KHDC1: variants seen among roughly 807,000 people sequenced by gnomAD.
KHDC1 encodes KH domain containing 1.
A neutral mutation model predicts 24.7 loss-of-function variants in KHDC1; 21 were observed. The observed-to-expected ratio is 0.85, with a 90% CI of 0.60 to 1.23. The LOEUF is 1.23. Ranked by LOEUF, KHDC1 falls within the 50% of genes most tolerant of loss-of-function variation. The pLI is 0.00. For missense variants in KHDC1, 274 were observed against 298.5 expected (o/e 0.92, Z 0.61); for synonymous variants, 98 against 111.7 (o/e 0.88, Z 0.77).
chr6:73,262,040 C>T (rs1431943186), intron 2 of KHDC1, among the ~76,000 whole-genome samples: 1 of 151,686 alleles, frequency 6.6e-6, no homozygotes, highest in African/African-American at 2.4e-5. Context: ...GATGGTGCCA[C>T]AGCCCTCCAG....
rs1017207989 is a variant in KHDC1 at position 73,286,472 on chromosome 6, C to T, written c.206+5526G>A. 2.4e-4 allele frequency among the ~76,000 whole-genome samples: 37 copies of T among 152,168 alleles called. 1 individual carries two copies. Among genetic ancestry groups the T allele is most frequent in the Admixed American group, 4.6e-4 (7 of 15,272 alleles). ...GATAATGGATGGTATCACTAACAAA[C>T]CAACTTTTCATTGATCAACTAAGCA... On this transcript the variant is annotated intron_variant, in intron 2 of 4. Transcript: ENST00000370384.
chr6:73,243,816 C>T (rs1314291718), intron 2 of KHDC1, among the ~76,000 whole-genome samples: 3 of 152,188 alleles, frequency 2.0e-5, no homozygotes, highest in African/African-American at 7.2e-5. Context: ...CCTTGGCTGG[C>T]GAAGAAGAAA....
chr6:73,304,178 CA>C (rs914350705), intron 1 of KHDC1, among the ~76,000 whole-genome samples: 7 of 140,792 alleles, frequency 5.0e-5, no homozygotes, highest in Admixed American at 7.2e-5. Flanking sequence ...GACTCCATCT[CA>C]AAAAAAAAAG....
chr6:73,298,531 G>A (rs12203691), intron 1 of KHDC1, among the ~76,000 whole-genome samples: 17,668 of 135,508 alleles, frequency 0.13, 1,690 homozygotes, highest in African/African-American at 0.24. Flanking sequence ...CGCCTCCCGG[G>A]TTCAAGCAAT....
At chr6:73,292,323 A>G in intron 1 of KHDC1, 3 of 970,740 alleles carry the variant, frequency 3.1e-6, no homozygotes, top group Non-Finnish European at 5.1e-6. Context: ...GCGGACAAGC[A>G]TGGTTTTAGG....
chr6:73,301,926 G>C (rs1048085228), intron 1 of KHDC1, among the ~76,000 whole-genome samples: 1 of 152,076 alleles, frequency 6.6e-6, no homozygotes, highest in Non-Finnish European at 1.5e-5. Flanking sequence ...ACTGCACCCT[G>C]TCTGCTGCCA....
chr6:73,246,802 A>G (rs1210276953), intron 2 of KHDC1, among the ~76,000 whole-genome samples: 1 of 152,160 alleles, frequency 6.6e-6, no homozygotes, highest in Non-Finnish European at 1.5e-5. Flanking sequence ...TGAGTCACTC[A>G]AAATTTGCAG....
chr6:73,270,731 C>T (rs1767163143), intron 2 of KHDC1, among the ~76,000 whole-genome samples: 1 of 151,558 alleles, frequency 6.6e-6, no homozygotes, highest in Admixed American at 6.6e-5. Context: ...GCTCTTGTCG[C>T]CCAGGCTAGA....
At chr6:73,249,956 A>G (rs753448036) in intron 2 of KHDC1, among the ~76,000 whole-genome samples, 4 of 152,188 alleles carry the variant, frequency 2.6e-5, no homozygotes, top group Non-Finnish European at 5.9e-5. Flanking sequence ...GTTAACAAAT[A>G]TGCACTCAAA....
chr6:73,252,807 ACT>A (rs960093555), intron 2 of KHDC1, among the ~76,000 whole-genome samples: 1 of 150,144 alleles, frequency 6.7e-6, no homozygotes, highest in Non-Finnish European at 1.5e-5. Flanking sequence ...ACAGAGTGAG[ACT>A]CTACCTCAAA....
intron 2 of KHDC1, among the ~76,000 whole-genome samples, chr6:73,260,381 G>A (rs1766957767): frequency 6.6e-6 from 1 of 152,070 alleles, no homozygotes; most frequent in South Asian, 2.1e-4. Context: ...CCAGAATAAT[G>A]CCTTATACCT....
chr6:73,262,534 C>T (rs757016746), intron 2 of KHDC1, among the ~76,000 whole-genome samples: 4 of 152,136 alleles, frequency 2.6e-5, no homozygotes, highest in Non-Finnish European at 2.9e-5. Context: ...GGTGTTACAC[C>T]CATTTTGTTT....
chr6:73,259,012 G>T (rs1766929917), intron 2 of KHDC1, among the ~76,000 whole-genome samples: 1 of 152,226 alleles, frequency 6.6e-6, no homozygotes, highest in South Asian at 2.1e-4. Context: ...TGCAAGGGCA[G>T]GGCTTGCAGG....
chr6:73,297,963 C>A (rs991417764), intron 1 of KHDC1, among the ~76,000 whole-genome samples: 3 of 151,930 alleles, frequency 2.0e-5, no homozygotes, highest in African/African-American at 7.3e-5. Flanking sequence ...TTGGCAAAAC[C>A]GCAGATCACA....
At chr6:73,251,070 G>A (rs1766770540) in intron 2 of KHDC1, among the ~76,000 whole-genome samples, 1 of 152,052 alleles carries the variant, frequency 6.6e-6, no homozygotes, top group Non-Finnish European at 1.5e-5. Context: ...CAAGCGATCT[G>A]CCCGCCTCGG....
intron 2 of KHDC1, among the ~76,000 whole-genome samples, chr6:73,243,686 T>C (rs966773281): frequency 2.0e-5 from 3 of 152,242 alleles, no homozygotes; most frequent in Non-Finnish European, 4.4e-5. Flanking sequence ...GCCCCAACTC[T>C]ATCTGAATCT....
chr6:73,298,550 C>T (rs1348940566), intron 1 of KHDC1, among the ~76,000 whole-genome samples: 2 of 149,238 alleles, frequency 1.3e-5, no homozygotes, highest in Non-Finnish European at 3.0e-5. Context: ...ATTCTCCTGC[C>T]TCAGCCTCCC....
intron 2 of KHDC1, among the ~76,000 whole-genome samples, chr6:73,278,290 T>G (rs1767339822): frequency 1.3e-5 from 2 of 152,114 alleles, no homozygotes; most frequent in South Asian, 4.1e-4. Context: ...ATGCTGGGAT[T>G]ACAGGCGTGA....
chr6:73,293,919 T>C (rs921909866), intron 1 of KHDC1, among the ~76,000 whole-genome samples: 9 of 148,514 alleles, frequency 6.1e-5, no homozygotes, highest in African/African-American at 2.2e-4. Flanking sequence ...GGCAGGAGAA[T>C]CGCATGAACC....
Sources: allele counts gnomAD v4.1 joint callset (sites outside exome capture counted in the v4.1 genomes callset), GRCh38; gene constraint gnomAD v4.1.1; transcripts MANE v1.5; gene names NCBI Gene and HGNC (gene_info 2026-07-23, HGNC 2026-07-21).